TMEM232: variants seen among roughly 807,000 people sequenced by gnomAD.
The protein encoded by TMEM232 is transmembrane protein 232.
Under a neutral mutation model 78.8 loss-of-function variants are expected in TMEM232, and 80 were observed. The ratio of observed to expected loss-of-function variants is 1.01; its 90% CI spans 0.85 to 1.22. The LOEUF (loss-of-function observed/expected upper bound fraction) is 1.22. TMEM232 is among the 50% of genes most tolerant of loss of function. TMEM232 has a pLI of 0.00. For missense variants in TMEM232, 881 were observed against 742.2 expected, an observed-to-expected ratio of 1.19 and a Z score of -2.17; for synonymous variants, 297 against 254.3, an observed-to-expected ratio of 1.17 and a Z score of -1.60.
chr5:110,534,929 C>T (rs1561646680), intron 11 of TMEM232, among the ~76,000 whole-genome samples: 1 of 152,046 alleles, frequency 6.6e-6, no homozygotes, highest in Admixed American at 6.6e-5. Context: ...CACAATATCA[C>T]CCCTTACCAC....
intron 12 of TMEM232, among the ~76,000 whole-genome samples, chr5:110,493,137 T>A (rs1166336670): frequency 6.6e-6 from 1 of 152,000 alleles, no homozygotes; most frequent in Non-Finnish European, 1.5e-5. Flanking sequence ...CCCCCCAGCA[T>A]AAGCTAATCC....
At chr5:110,542,157 A>C (rs1773215441) in intron 11 of TMEM232, among the ~76,000 whole-genome samples, 1 of 152,146 alleles carries the variant, frequency 6.6e-6, no homozygotes, top group South Asian at 2.1e-4. Context: ...CCTGTTTAGA[A>C]GACAGCCAAA....
chr5:110,473,789 T>A (rs1381652107), intron 12 of TMEM232, among the ~76,000 whole-genome samples: 1 of 144,848 alleles, frequency 6.9e-6, no homozygotes, highest in Non-Finnish European at 1.5e-5. Flanking sequence ...ATATACCCAA[T>A]GGAATACTAG....
chr5:110,494,214 T>C (rs375757895), intron 12 of TMEM232, among the ~76,000 whole-genome samples: 4 of 152,108 alleles, frequency 2.6e-5, no homozygotes, highest in African/African-American at 9.6e-5. Context: ...ATTAAAACCA[T>C]AAAACTTCAT....
intron 12 of TMEM232, among the ~76,000 whole-genome samples, chr5:110,517,648 C>A (rs1768871798): frequency 6.6e-6 from 1 of 152,156 alleles, no homozygotes; most frequent in African/African-American, 2.4e-5. Flanking sequence ...AATGCTGCTC[C>A]ATGAAACAAC....
chr5:110,518,123 ACTCTCTCTCT>A (rs71626631), intron 12 of TMEM232, among the ~76,000 whole-genome samples: 4 of 143,816 alleles, frequency 2.8e-5, no homozygotes. Context: ...CTCTATGTCT[ACTCTCTCTCT>A]CTCTCTCTCT....
intron 10 of TMEM232, among the ~76,000 whole-genome samples, chr5:110,601,780 A>C (rs1780940084): frequency 1.3e-5 from 2 of 152,210 alleles, no homozygotes; most frequent in African/African-American, 2.4e-5. Flanking sequence ...TTCCTCACAG[A>C]ACTATAAAAA....
intron 12 of TMEM232, among the ~76,000 whole-genome samples, chr5:110,462,561 C>T (rs1021414235): frequency 5.3e-5 from 8 of 152,202 alleles, no homozygotes; most frequent in Non-Finnish European, 8.8e-5. Flanking sequence ...ACTCCAAGTT[C>T]TTCAACTCTG....
At chr5:110,731,533 A>G (rs753773297), upstream of TMEM232, among the ~76,000 whole-genome samples, 2 of 152,218 alleles carry the variant, frequency 1.3e-5, no homozygotes, top group African/African-American at 2.4e-5. Context: ...CCAAACCTCA[A>G]TTCTTGACTT....
At chr5:110,709,788 C>G (rs983547689) in intron 1 of TMEM232, among the ~76,000 whole-genome samples, 1 of 151,672 alleles carries the variant, frequency 6.6e-6, no homozygotes, top group Non-Finnish European at 1.5e-5. Flanking sequence ...AAAGAAGAAA[C>G]ACTTCAAATA....
chr5:110,550,222 T>G (rs909560996), intron 11 of TMEM232, among the ~76,000 whole-genome samples: 1 of 152,198 alleles, frequency 6.6e-6, no homozygotes, highest in Non-Finnish European at 1.5e-5. Flanking sequence ...AAATGATGCA[T>G]GAAATGTATT....
At chr5:110,733,263 A>G (rs555328773) in intron 2 of TMEM232, among the ~76,000 whole-genome samples, 2 of 152,330 alleles carry the variant, frequency 1.3e-5, no homozygotes, top group Non-Finnish European at 2.9e-5. Context: ...AATTAGTTCA[A>G]CCACTGTGGA....
chr5:110,525,965 G>C (rs552984561), intron 12 of TMEM232, among the ~76,000 whole-genome samples: 22 of 129,348 alleles, frequency 1.7e-4, no homozygotes, highest in South Asian at 4.6e-4. Flanking sequence ...GATGGATGAC[G>C]CAATAAATAT....
chr5:110,414,180 T>C (rs1756101620), intron 2 of TMEM232, among the ~76,000 whole-genome samples: 1 of 152,222 alleles, frequency 6.6e-6, no homozygotes, highest in Non-Finnish European at 1.5e-5. Flanking sequence ...TCATTCCTGC[T>C]GTTATTTTTG....
intron 1 of TMEM232, among the ~76,000 whole-genome samples, chr5:110,715,251 C>T (rs1045754406): frequency 6.6e-6 from 1 of 150,934 alleles, no homozygotes; most frequent in Non-Finnish European, 1.5e-5. Context: ...GCGAAGGAAT[C>T]AATAGAGATG....
At chr5:110,569,744 G>A (rs1344030042) in intron 10 of TMEM232, among the ~76,000 whole-genome samples, 1 of 151,710 alleles carries the variant, frequency 6.6e-6, no homozygotes, top group Non-Finnish European at 1.5e-5. Flanking sequence ...AGTACCGGAG[G>A]GGGTACTAAC....
chr5:110,675,323 G>T (rs899451189), intron 1 of TMEM232, among the ~76,000 whole-genome samples: 4 of 152,092 alleles, frequency 2.6e-5, no homozygotes, highest in Admixed American at 2.0e-4. Flanking sequence ...GGGATTACAG[G>T]CATGAGCCAC....
chr5:110,425,162 C>T (rs966767286), intron 12 of TMEM232, among the ~76,000 whole-genome samples: 3 of 152,064 alleles, frequency 2.0e-5, no homozygotes, highest in Non-Finnish European at 4.4e-5. Context: ...TCCCCATACA[C>T]AGCTCCACAA....
At chr5:110,449,861 G>A (rs1231347852) in intron 12 of TMEM232, among the ~76,000 whole-genome samples, 1 of 151,934 alleles carries the variant, frequency 6.6e-6, no homozygotes, top group East Asian at 1.9e-4. Context: ...ATGAACCTCT[G>A]AATTACCTAG....
Sources: gnomAD v4.1 joint callset for allele counts (sites outside exome capture counted in the v4.1 genomes callset) on GRCh38, gnomAD v4.1.1 for gene constraint, MANE v1.5 for transcripts, NCBI Gene and HGNC (gene_info 2026-07-23, HGNC 2026-07-21) for gene names.